Variants in GRID2 observed in about 807,000 individuals in gnomAD.
GRID2 encodes the protein glutamate receptor ionotropic, delta-2.
A neutral mutation model predicts 114.8 loss-of-function variants in GRID2; 33 were observed. That is an observed-to-expected ratio of 0.29 (90% CI 0.22 to 0.38). The LOEUF (loss-of-function observed/expected upper bound fraction) is 0.38, where lower values mean the gene tolerates loss of function less well. Ranked by LOEUF, GRID2 falls within the 10% of genes least tolerant of loss-of-function variation. The probability of loss-of-function intolerance (pLI) is 1.00; values close to 1 mark genes in which losing one functional copy is unlikely to be tolerated. For missense variants in GRID2, 1,184 were observed against 1,257.7 expected (o/e 0.94, Z 0.89); for synonymous variants, 505 against 449.9 (o/e 1.12, Z -1.55).
chr4:93,777,906 T>A (rs1490360967), downstream of GRID2, among the ~76,000 whole-genome samples: 1 of 152,222 alleles, frequency 6.6e-6, no homozygotes, highest in Non-Finnish European at 1.5e-5. Flanking sequence ...AGTTTAGGAA[T>A]TAAGTAGCCT....
intron 2 of GRID2, among the ~76,000 whole-genome samples, chr4:92,991,923 T>A (rs1193867897): frequency 2.0e-5 from 3 of 152,190 alleles, no homozygotes; most frequent in Non-Finnish European, 4.4e-5. Context: ...GAAGTTTTTT[T>A]AAATACAAAA....
chr4:93,603,869 A>T (rs973344142), intron 13 of GRID2, among the ~76,000 whole-genome samples: 1 of 152,086 alleles, frequency 6.6e-6, no homozygotes, highest in East Asian at 1.9e-4. Context: ...TTTTAAGCCC[A>T]CTGTTGAGAT....
intron 8 of GRID2, among the ~76,000 whole-genome samples, chr4:93,257,000 G>T (rs1242840849): frequency 2.0e-5 from 3 of 151,744 alleles, no homozygotes; most frequent in Non-Finnish European, 4.4e-5. Flanking sequence ...AATATTATTT[G>T]CTTATTTTTT....
At chr4:93,471,725 G>GTTTT (rs1724842143) in intron 11 of GRID2, among the ~76,000 whole-genome samples, 2 of 25,714 alleles carry the variant, frequency 7.8e-5, no homozygotes, top group African/African-American at 2.8e-4. Flanking sequence ...TGGAGACGGA[G>GTTTT]TTTTTGCTCT....
At chr4:93,405,304 A>T (rs1766302909) in intron 9 of GRID2, among the ~76,000 whole-genome samples, 1 of 152,188 alleles carries the variant, frequency 6.6e-6, no homozygotes. Flanking sequence ...CGCTCACTAA[A>T]TAAAATCACC....
At chr4:92,515,685 T>A (rs1318526666) in intron 1 of GRID2, among the ~76,000 whole-genome samples, 3 of 151,940 alleles carry the variant, frequency 2.0e-5, no homozygotes, top group Admixed American at 2.0e-4. Context: ...TTCACACAAA[T>A]GGTACAGCTG....
chr4:93,469,065 G>A (rs536540861), intron 11 of GRID2, among the ~76,000 whole-genome samples: 7 of 152,188 alleles, frequency 4.6e-5, no homozygotes, highest in Admixed American at 3.3e-4. Context: ...TGGAACACAT[G>A]TTAACAAGTA....
chr4:92,815,302 G>T (rs537493904), intron 2 of GRID2, among the ~76,000 whole-genome samples: 3 of 152,232 alleles, frequency 2.0e-5, no homozygotes, highest in Admixed American at 6.5e-5. Flanking sequence ...GTATGAGCAT[G>T]TGTGGGCATA....
At chr4:92,640,342 A>G (rs1440455777) in intron 2 of GRID2, among the ~76,000 whole-genome samples, 2 of 151,868 alleles carry the variant, frequency 1.3e-5, no homozygotes, top group Non-Finnish European at 2.9e-5. Flanking sequence ...ACATAAAGCT[A>G]CTAAGATTAT....
At chr4:92,628,144 C>T (rs1730612689) in intron 2 of GRID2, among the ~76,000 whole-genome samples, 1 of 152,082 alleles carries the variant, frequency 6.6e-6, no homozygotes. Context: ...CTATGTTTAA[C>T]AATTGCTTAC....
At chr4:92,305,427 G>A (rs1420498296) in intron 1 of GRID2, among the ~76,000 whole-genome samples, 1 of 152,148 alleles carries the variant, frequency 6.6e-6, no homozygotes, top group African/African-American at 2.4e-5. Context: ...CCGGGGCCTG[G>A]CGCGGCGGCG....
chr4:92,804,234 AC>A (rs1740305934), intron 2 of GRID2, among the ~76,000 whole-genome samples: 1 of 152,052 alleles, frequency 6.6e-6, no homozygotes, highest in East Asian at 1.9e-4. Context: ...AAATAATCTT[AC>A]TATGTTATTA....
Position 93,224,631 on chromosome 4 carries a change from A to C in GRID2, c.981A>C (p.Ile327=). The part of the protein sequence containing the change: ...AQNMEISNLY[I]YDTVLLLANA... Reference sequence around the variant, plus strand: ...CTTTTCAGATTTCCAACCTTTACATATATGACACGGTGCTTCTGCTTGCTA... The same window carrying C: ...CTTTTCAGATTTCCAACCTTTACATCTATGACACGGTGCTTCTGCTTGCTA... Residue 327 remains isoleucine (I), a synonymous_variant, in exon 7 of 16, where the codon ATA becomes ATC. Transcript: ENST00000282020. 5 of 1,609,876 alleles carry C rather than the reference A, an allele frequency of 3.1e-6. No individual in the cohort carries two copies. The highest frequency in any genetic ancestry group is 4.2e-6 in the Non-Finnish European group (5 of 1,176,572).
intron 1 of GRID2, among the ~76,000 whole-genome samples, chr4:92,376,416 T>C (rs1729360411): frequency 6.6e-6 from 1 of 152,182 alleles, no homozygotes; most frequent in South Asian, 2.1e-4. Flanking sequence ...CTCTGTCCCA[T>C]GGCTTTGCAG....
chr4:93,362,674 T>C (rs1761985053), intron 8 of GRID2, among the ~76,000 whole-genome samples: 1 of 152,000 alleles, frequency 6.6e-6, no homozygotes, highest in Non-Finnish European at 1.5e-5. Context: ...CAGAAATTGC[T>C]CCTCTTCTCA....
chr4:93,805,341 A>G (rs1253754401), intron 1 of GRID2, among the ~76,000 whole-genome samples: 1 of 152,210 alleles, frequency 6.6e-6, no homozygotes, highest in Non-Finnish European at 1.5e-5. Flanking sequence ...AGGTAGATAA[A>G]ATGCAGTGTT....
chr4:92,889,814 T>C (rs553966654), intron 2 of GRID2, among the ~76,000 whole-genome samples: 7 of 152,004 alleles, frequency 4.6e-5, no homozygotes, highest in Non-Finnish European at 1.0e-4. Context: ...GCCAAGACAA[T>C]CCTAAGCAAA....
Position 92,399,667 on chromosome 4 carries a change from A to ATC in GRID2, c.88+94924_88+94925insCT, listed in dbSNP as rs1478564242. ...TCTCTCTCTCTCTCTCTCTCTCTCTATATATATATATATATATACATACAT... is the reference window on the plus strand; with the variant it reads ...TCTCTCTCTCTCTCTCTCTCTCTCTATCTATATATATATATATATACATACAT... On this transcript the variant is annotated intron_variant, in intron 1 of 15. Transcript: ENST00000282020. Among the ~76,000 whole-genome samples the ATC allele has an allele frequency of 9.4e-3, 1,147 of 122,384 alleles. 68 individuals are homozygous for ATC. The highest frequency in any genetic ancestry group is 0.024 in the East Asian group (111 of 4,720). The allele number at this position is 122,384 out of a possible 152,430, so 80.3% of individuals were successfully genotyped here. A position where few individuals can be genotyped will look rare whatever the true frequency, so the allele number is the denominator to read the frequency against.
intron 4 of GRID2, among the ~76,000 whole-genome samples, chr4:93,138,079 C>G (rs978925822): frequency 6.7e-6 from 1 of 148,700 alleles, no homozygotes; most frequent in African/African-American, 2.5e-5. Context: ...CTCAAACCAT[C>G]CTCTTACCTG....
Sources: gnomAD v4.1 joint callset for allele counts (sites outside exome capture counted in the v4.1 genomes callset) on GRCh38, gnomAD v4.1.1 for gene constraint, MANE v1.5 for transcripts, NCBI Gene and HGNC (gene_info 2026-07-23, HGNC 2026-07-21) for gene names.